ACTR1A: variants seen among roughly 807,000 people sequenced by gnomAD.
The protein encoded by ACTR1A is actin related protein 1A, also known as alpha-centractin.
In ACTR1A, 10 loss-of-function variants were observed where a neutral mutation model predicts 50.7. The observed-to-expected ratio is 0.20, with a 90% CI of 0.12 to 0.33. The LOEUF is 0.33. ACTR1A is among the 10% of genes least tolerant of loss of function. ACTR1A has a pLI of 1.00. For synonymous variants in ACTR1A, 177 were observed against 184.2 expected (o/e 0.96, Z 0.32); for missense variants, 253 against 491.7 (o/e 0.51, Z 4.59).
chr10:102,498,153 T>G (rs2062231389), intron 1 of ACTR1A, among the ~76,000 whole-genome samples: 1 of 151,520 alleles, frequency 6.6e-6, no homozygotes. Context: ...ATCTGTAATG[T>G]TTTATTTCCT....
intron 2 of ACTR1A, among the ~76,000 whole-genome samples, chr10:102,490,327 G>A (rs1237003511): frequency 6.6e-6 from 1 of 150,478 alleles, no homozygotes; most frequent in Non-Finnish European, 1.5e-5. Flanking sequence ...GCTCCACCAA[G>A]AGGCAATCCT....
At chr10:102,484,553 C>T (rs2062157979) in intron 5 of ACTR1A, among the ~76,000 whole-genome samples, 177 bp from the exon 6 acceptor site, 2 of 152,122 alleles carry the variant, frequency 1.3e-5, no homozygotes, top group South Asian at 2.1e-4. Context: ...CCATGAAATA[C>T]CTGAACGGAA....
intron 1 of ACTR1A, among the ~76,000 whole-genome samples, chr10:102,501,489 C>A (rs2062251351): frequency 6.6e-6 from 1 of 152,224 alleles, no homozygotes; most frequent in Non-Finnish European, 1.5e-5. Context: ...GGATCAATCT[C>A]TGTGGGACCA....
Position 102,482,870 on chromosome 10 carries a change from T to C in ACTR1A, c.750+141A>G. 1.4e-6 allele frequency: 1 copy of C among 694,796 alleles called. No homozygotes were observed. The highest frequency in any genetic ancestry group is 2.6e-6 in the Non-Finnish European group (1 of 391,714). The allele number at this position is 694,796 out of a possible 1,614,324, so 43.0% of individuals were successfully genotyped here. A position where few individuals can be genotyped will look rare whatever the true frequency, so the allele number is the denominator to read the frequency against. ...TTACTGAAAGCCATCCTGGGCCACG[T>C]GCAGCCCATGGGCCAGGGGTTGGAC... is the stretch of plus-strand genomic sequence containing the variant. On this transcript the variant is annotated intron_variant, in intron 7 of 10. Transcript: ENST00000369905. The surrounding 1 kb of genome is among the most constrained non-coding windows in gnomAD (Gnocchi z 5.6).
At chr10:102,484,067 T>C in intron 6 of ACTR1A, 93 bp downstream of exon 6, 1 of 1,238,822 alleles carries the variant, frequency 8.1e-7, no homozygotes, top group Non-Finnish European at 1.2e-6. Context: ...CCCAGGCAGG[T>C]GCTTTGCCTG....
Position 102,502,696 on chromosome 10 carries a change from C to G in ACTR1A, c.-49G>C, listed in dbSNP as rs751662782. On this transcript the variant is annotated 5_prime_UTR_variant, in exon 1 of 11. Transcript: ENST00000369905. Reference sequence around the variant, plus strand: ...GGAAGGAACTGCCCAGCCGGGTCCGCCGCTAGCGCCACTGACACGCATGCG... The same window carrying G: ...GGAAGGAACTGCCCAGCCGGGTCCGGCGCTAGCGCCACTGACACGCATGCG... 3.1e-6 allele frequency: 5 copies of G among 1,606,514 alleles called. No homozygotes were observed. The highest frequency in any genetic ancestry group is 2.2e-5 in the South Asian group (2 of 90,864).
In ACTR1A at chr10:102,488,983, A is replaced by C; in HGVS notation, c.189+80T>G. On this transcript the variant is annotated intron_variant, in intron 3 of 10. Transcript: ENST00000369905. The surrounding 1 kb of genome is among the most constrained non-coding windows in gnomAD (Gnocchi z 4.4). ...CCCCTTTTACTTATGGGTATGTCCA[A>C]ATGTTGGGACATGTTCCATGTGGTG... is the stretch of plus-strand genomic sequence containing the variant. 1.8e-6 allele frequency: 2 copies of C among 1,114,800 alleles called. No homozygotes were observed. The highest frequency in any genetic ancestry group is 5.7e-5 in the Admixed American group (2 of 35,388). 69.1% of individuals were successfully genotyped at this position (1,114,800 alleles called of 1,614,324 possible). A position where few individuals can be genotyped will look rare whatever the true frequency, so the allele number is the denominator to read the frequency against.
At chr10:102,486,755 C>T (rs767786999) in intron 4 of ACTR1A, among the ~76,000 whole-genome samples, 17 of 151,356 alleles carry the variant, frequency 1.1e-4, no homozygotes, top group African/African-American at 1.7e-4. Flanking sequence ...GAAATTGATA[C>T]ACCTAGTCTG....
intron 4 of ACTR1A, among the ~76,000 whole-genome samples, chr10:102,486,995 A>G (rs989448614): frequency 6.6e-6 from 1 of 150,714 alleles, no homozygotes; most frequent in Non-Finnish European, 1.5e-5. Context: ...GTGTTTCGCC[A>G]TGCTGCCCAA....
At chr10:102,498,978 C>T (rs922293923) in intron 1 of ACTR1A, among the ~76,000 whole-genome samples, 6 of 152,098 alleles carry the variant, frequency 3.9e-5, no homozygotes, top group Non-Finnish European at 8.8e-5. Context: ...TTATTGTTGT[C>T]ATTAAAGCAC....
chr10:102,492,576 C>T (rs2062199777), intron 1 of ACTR1A, among the ~76,000 whole-genome samples: 1 of 152,168 alleles, frequency 6.6e-6, no homozygotes, highest in Non-Finnish European at 1.5e-5. Flanking sequence ...TTATCTGCAC[C>T]AAAGGCTTCC....
chr10:102,482,945 A>C lies in ACTR1A; in HGVS notation c.750+66T>G, dbSNP rs2062150918. ...TGCCAGACTCCAGACCCTGATGGAG[A>C]ATTCTGGTTGGGCCCAGAGCTTTTG... is the stretch of plus-strand genomic sequence containing the variant. On this transcript the variant is annotated intron_variant, in intron 7 of 10. Transcript: ENST00000369905. This position sits in a 1 kb window ranked among gnomAD's most constrained non-coding sequence, Gnocchi z 5.6. The C allele has an allele frequency of 7.5e-7, 1 of 1,328,908 alleles. No individual in the cohort carries two copies. The highest frequency in any genetic ancestry group is 1.7e-5 in the Admixed American group (1 of 59,432). 82.3% of individuals were successfully genotyped at this position (1,328,908 alleles called of 1,614,324 possible).
At chr10:102,497,506 G>C (rs896899848) in intron 1 of ACTR1A, among the ~76,000 whole-genome samples, 1 of 151,696 alleles carries the variant, frequency 6.6e-6, no homozygotes, top group Non-Finnish European at 1.5e-5. Flanking sequence ...AGGTTTGCTC[G>C]AGCTCAGGAG....
rs758747188 is a variant in ACTR1A at position 102,482,205 on chromosome 10, C to G, written c.751-30G>C. 3 of 1,605,016 alleles carry G rather than the reference C, an allele frequency of 1.9e-6. No individual in the cohort carries two copies. The highest frequency in any genetic ancestry group is 2.2e-5 in the South Asian group (2 of 90,968). On this transcript the variant is annotated intron_variant, in intron 7 of 10. Coordinates refer to ENST00000369905, the MANE Select transcript of ACTR1A (RefSeq NM_005736.4). This position sits in a 1 kb window ranked among gnomAD's most constrained non-coding sequence, Gnocchi z 5.6. ...AGGTAGGAGGGCCAGCTGAAGAGGT[C>G]GGAGCTGGGACCAAGGTCCCTTTGG...
rs1164836776 is a variant in ACTR1A, at chr10:102,482,905, G to T, written c.750+106C>A. 9 of 944,196 alleles carry T rather than the reference G, an allele frequency of 9.5e-6. No individual in the cohort carries two copies. The Admixed American group carries it at 1.6e-4, about 17-fold the overall frequency. The allele number at this position is 944,196 out of a possible 1,614,324, so 58.5% of individuals were successfully genotyped here. On this transcript the variant is annotated intron_variant, in intron 7 of 10. Transcript: ENST00000369905. This position sits in a 1 kb window ranked among gnomAD's most constrained non-coding sequence, Gnocchi z 5.6. ...GGGCCAGGGGTTGGACAAGCTTGGTGTAAAGGGACTGGCCTGCCAGACTCC... is the reference window on the plus strand; with the variant it reads ...GGGCCAGGGGTTGGACAAGCTTGGTTTAAAGGGACTGGCCTGCCAGACTCC...
At chr10:102,495,854 G>A (rs113842079) in intron 1 of ACTR1A, among the ~76,000 whole-genome samples, 42 of 144,998 alleles carry the variant, frequency 2.9e-4, no homozygotes, top group African/African-American at 9.7e-4. Flanking sequence ...TCCGCCTCCC[G>A]GGTCCAAAGC....
Position 102,488,079 on chromosome 10 carries a change from T to A in ACTR1A, c.315+71A>T. On this transcript the variant is annotated intron_variant, in intron 4 of 10. Transcript: ENST00000369905. This position sits in a 1 kb window ranked among gnomAD's most constrained non-coding sequence, Gnocchi z 4.4. ...TTGGCAGTGATCATCGTCCTCCTCA[T>A]CATCTCTAGGGTAGGAGTTTGACAC... 1.9e-6 allele frequency: 3 copies of A among 1,547,056 alleles called. No homozygotes were observed. The highest frequency in any genetic ancestry group is 2.7e-6 in the Non-Finnish European group (3 of 1,129,640).
At position 102,495,030 on chromosome 10, in the gene ACTR1A, C is replaced by G. The variant is rs150314510; in HGVS notation, c.49-4417G>C. Among the ~76,000 whole-genome samples the G allele has an allele frequency of 3.0e-3, 450 of 152,038 alleles. 1 individual carries two copies. Among genetic ancestry groups the G allele is most frequent in the African/African-American group, 0.01 (434 of 41,470 alleles). ...TTCACCATGTTGGCCAGGCTGGTCT[C>G]GAACTCCTGATCTCAAGTGATCCAC... On this transcript the variant is annotated intron_variant, in intron 1 of 10. Transcript: ENST00000369905.
rs1332097876 is a variant in ACTR1A at position 102,480,036 on chromosome 10, G to C, written c.*827C>G. The C allele has an allele frequency of 5.8e-6, 1 of 172,202 alleles. No homozygotes were observed. The highest frequency in any genetic ancestry group is 1.3e-5 in the Non-Finnish European group (1 of 79,056). The allele number at this position is 172,202 out of a possible 1,614,324, so 10.7% of individuals were successfully genotyped here. A position where few individuals can be genotyped will look rare whatever the true frequency, so the allele number is the denominator to read the frequency against. Reference sequence around the variant, plus strand: ...TGTAAACATTAGTGTAGCAAGGCAGGAGGCAGCAAGCTCCCTCTCTCCAGC... The same window carrying C: ...TGTAAACATTAGTGTAGCAAGGCAGCAGGCAGCAAGCTCCCTCTCTCCAGC... On this transcript the variant is annotated 3_prime_UTR_variant, in exon 11 of 11. Transcript: ENST00000369905.
Sources: allele counts gnomAD v4.1 joint callset (sites outside exome capture counted in the v4.1 genomes callset), GRCh38; gene constraint gnomAD v4.1.1; non-coding constraint Gnocchi (gnomAD v3.1); transcripts MANE v1.5; gene names NCBI Gene and HGNC (gene_info 2026-07-23, HGNC 2026-07-21).